Variants in SGCD observed in about 807,000 individuals in gnomAD.
SGCD encodes the protein delta-sarcoglycan.
Under a neutral mutation model 36.6 loss-of-function variants are expected in SGCD, and 18 were observed. That is an observed-to-expected ratio of 0.49 (90% CI 0.34 to 0.73). The LOEUF is 0.73. Ranked by LOEUF, SGCD falls within the 30% of genes least tolerant of loss-of-function variation. SGCD has a pLI of 0.01. For synonymous variants in SGCD, 133 were observed against 130.6 expected (o/e 1.02, Z -0.12); for missense variants, 387 against 346.7 (o/e 1.12, Z -0.92).
intron 1 of SGCD, among the ~76,000 whole-genome samples, chr5:156,037,597 C>T (rs946984506): frequency 1.3e-5 from 2 of 152,150 alleles, no homozygotes; most frequent in Non-Finnish European, 2.9e-5. Flanking sequence ...TTAAAGATTC[C>T]ACTCATAGAT....
At chr5:155,737,171 G>GA in the SGCD span, among the ~76,000 whole-genome samples, 503 of 152,308 alleles carry the variant, frequency 3.3e-3, 1 homozygote, top group African/African-American at 0.012. Context: ...CAATGAGCTT[G>GA]AAAAGAGCTT....
intron 3 of SGCD, among the ~76,000 whole-genome samples, chr5:156,315,546 T>C (rs1767496045): frequency 6.6e-6 from 1 of 152,030 alleles, no homozygotes; most frequent in Admixed American, 6.6e-5. Flanking sequence ...CTCTTCAAGA[T>C]AGTGATTTTT....
chr5:156,301,796 T>G (rs1217377015), intron 3 of SGCD, among the ~76,000 whole-genome samples: 2 of 151,960 alleles, frequency 1.3e-5, no homozygotes, highest in Non-Finnish European at 2.9e-5. Flanking sequence ...GATAAAAGTT[T>G]TTTTTTTTTT....
At chr5:156,190,796 G>A (rs904552081) in intron 3 of SGCD, among the ~76,000 whole-genome samples, 2 of 152,076 alleles carry the variant, frequency 1.3e-5, no homozygotes, top group Non-Finnish European at 2.9e-5. Context: ...AAGGACCCAT[G>A]CCAGCTCTAA....
At chr5:156,662,976 G>C (rs1394019559) in intron 7 of SGCD, among the ~76,000 whole-genome samples, 1 of 150,416 alleles carries the variant, frequency 6.6e-6, no homozygotes, top group Non-Finnish European at 1.5e-5. Flanking sequence ...CCCTAAAAAG[G>C]ATACCCTATT....
intron 4 of SGCD, among the ~76,000 whole-genome samples, chr5:156,570,971 A>G (rs1328463993): frequency 1.3e-5 from 2 of 152,096 alleles, no homozygotes; most frequent in Non-Finnish European, 2.9e-5. Flanking sequence ...CATGTTATGG[A>G]TATTTTCTAT....
chr5:156,081,691 A>C (rs115918845), intron 1 of SGCD, among the ~76,000 whole-genome samples: 1 of 152,140 alleles, frequency 6.6e-6, no homozygotes. Flanking sequence ...ACTGTGCCCA[A>C]CCATGTTCCC....
rs1761310470 is a variant in SGCD at position 156,603,963 on chromosome 5, A to G, written c.502+8912A>G. Reference sequence around the variant, plus strand: ...ATATTTCTTTGTTAATTTTCTGTATAAGTGATCTTTCCATTGTTGAAAGTG... The same window carrying G: ...ATATTTCTTTGTTAATTTTCTGTATGAGTGATCTTTCCATTGTTGAAAGTG... On this transcript the variant is annotated intron_variant, in intron 6 of 8. Coordinates refer to ENST00000337851, the MANE Select transcript of SGCD (RefSeq NM_000337.6). Among the ~76,000 whole-genome samples, 3 of 152,016 alleles carry G rather than the reference A, an allele frequency of 2.0e-5. No individual in the cohort carries two copies. The South Asian group carries it at 6.2e-4, about 31-fold the overall frequency.
chr5:156,332,437 C>T (rs768879490), intron 2 of SGCD, among the ~76,000 whole-genome samples: 3 of 152,292 alleles, frequency 2.0e-5, no homozygotes, highest in Admixed American at 6.5e-5. Context: ...ATATGCCTAC[C>T]TCATTCATTG....
chr5:155,790,305 A>T, the SGCD span, among the ~76,000 whole-genome samples: 8 of 152,202 alleles, frequency 5.3e-5, no homozygotes, highest in South Asian at 4.2e-4. Context: ...ATACCCTAGA[A>T]AGAGACAAGT....
At chr5:156,442,211 G>C (rs1016425731) in intron 3 of SGCD, among the ~76,000 whole-genome samples, 1 of 152,178 alleles carries the variant, frequency 6.6e-6, no homozygotes, top group African/African-American at 2.4e-5. Context: ...TTTATTCTCT[G>C]AGCTGATGAA....
At position 156,589,181 on chromosome 5, in the gene SGCD, T is replaced by C. The variant is rs1158058306; in HGVS notation, c.295-50T>C. 3 of 1,339,356 alleles carry C rather than the reference T, an allele frequency of 2.2e-6. No homozygotes were observed. In the South Asian group the frequency reaches 3.8e-5, roughly 17 times the overall value. The allele number at this position is 1,339,356 out of a possible 1,614,324, so 83.0% of individuals were successfully genotyped here. A position where few individuals can be genotyped will look rare whatever the true frequency, so the allele number is the denominator to read the frequency against. ...GGAGAGTTGTAATGACAGTTCTTTTTGTTTAGAAATCTATCATTTTCATGT... is the reference window on the plus strand; with the variant it reads ...GGAGAGTTGTAATGACAGTTCTTTTCGTTTAGAAATCTATCATTTTCATGT... On this transcript the variant is annotated intron_variant, in intron 4 of 8. Coordinates refer to ENST00000337851, the MANE Select transcript of SGCD (RefSeq NM_000337.6).
chr5:156,303,450 G>A (rs908681897), intron 3 of SGCD, among the ~76,000 whole-genome samples: 1 of 151,992 alleles, frequency 6.6e-6, no homozygotes, highest in African/African-American at 2.4e-5. Context: ...AACCCCAGGA[G>A]CCCACTTAGT....
At chr5:156,474,355 T>G (rs932699513) in intron 3 of SGCD, among the ~76,000 whole-genome samples, 1 of 152,232 alleles carries the variant, frequency 6.6e-6, no homozygotes, top group East Asian at 1.9e-4. Context: ...ACCCAGGCAC[T>G]CTAGGCTGTG....
At chr5:155,773,432 G>A in the SGCD span, among the ~76,000 whole-genome samples, 1 of 152,022 alleles carries the variant, frequency 6.6e-6, no homozygotes, top group Non-Finnish European at 1.5e-5. Flanking sequence ...CTCCTGACTT[G>A]GCCTCCCAAT....
At chr5:156,561,061 CACAGAT>C (rs146253791) in intron 4 of SGCD, among the ~76,000 whole-genome samples, 6,178 of 152,204 alleles carry the variant, frequency 0.041, 275 homozygotes, top group African/African-American at 0.11. Flanking sequence ...GAAAAAAATG[CACAGAT>C]ACAATCAGTC....
intron 6 of SGCD, among the ~76,000 whole-genome samples, chr5:156,601,340 A>C (rs1161342372): frequency 6.6e-6 from 1 of 152,110 alleles, no homozygotes; most frequent in African/African-American, 2.4e-5. Flanking sequence ...GTCTAATCTC[A>C]TTCTTCTACA....
At chr5:155,731,925 C>T in the SGCD span, among the ~76,000 whole-genome samples, 1 of 152,184 alleles carries the variant, frequency 6.6e-6, no homozygotes, top group African/African-American at 2.4e-5. Flanking sequence ...TTCTGGATTT[C>T]TTCGTAAGAG....
the SGCD span, among the ~76,000 whole-genome samples, chr5:155,731,405 A>G: frequency 6.6e-6 from 1 of 152,106 alleles, no homozygotes; most frequent in Non-Finnish European, 1.5e-5. Context: ...CTGAAGACAC[A>G]TTATTTTTGT....
Sources: allele counts gnomAD v4.1 joint callset (sites outside exome capture counted in the v4.1 genomes callset), GRCh38; gene constraint gnomAD v4.1.1; transcripts MANE v1.5; gene names NCBI Gene and HGNC (gene_info 2026-07-23, HGNC 2026-07-21).